CAMK4: variants seen among roughly 807,000 people sequenced by gnomAD.
CAMK4 encodes calcium/calmodulin dependent protein kinase IV.
Under a neutral mutation model 44.9 loss-of-function variants are expected in CAMK4, and 22 were observed. The ratio of observed to expected loss-of-function variants is 0.49; its 90% confidence interval spans 0.35 to 0.70. CAMK4 has a LOEUF of 0.70. CAMK4 is among the 30% of genes least tolerant of loss of function. The pLI is 0.01. For missense variants in CAMK4, 498 were observed against 586.8 expected, an observed-to-expected ratio of 0.85 and a Z score of 1.56; for synonymous variants, 218 against 215.4, an observed-to-expected ratio of 1.01 and a Z score of -0.11.
At chr5:111,308,384 A>G (rs1471899945) in intron 1 of CAMK4, among the ~76,000 whole-genome samples, 1 of 152,232 alleles carries the variant, frequency 6.6e-6, no homozygotes, top group Non-Finnish European at 1.5e-5. Flanking sequence ...AAAACATATA[A>G]AATAGGTGGT....
chr5:111,329,858 C>A (rs1580601751), intron 1 of CAMK4, among the ~76,000 whole-genome samples: 1 of 151,678 alleles, frequency 6.6e-6, no homozygotes, highest in African/African-American at 2.4e-5. Flanking sequence ...TGACAAACCA[C>A]ATCTATGAAA....
At position 111,308,257 on chromosome 5, in the gene CAMK4, A is replaced by T. The variant is rs35694373; in HGVS notation, c.162-35767A>T. ...CTAAAACTTAGAGTATAATAAAAAA[A>T]TAAAATAAAATAAATGTATCAAAAC... On this transcript the variant is annotated intron_variant, in intron 1 of 10. Transcript: ENST00000282356. 5.5e-3 allele frequency among the ~76,000 whole-genome samples: 819 copies of T among 149,118 alleles called. 5 individuals are homozygous for T. The highest frequency in any genetic ancestry group is 8.0e-3 in the Non-Finnish European group (539 of 67,266).
chr5:111,263,256 T>C (rs1750074728), intron 1 of CAMK4, among the ~76,000 whole-genome samples: 1 of 152,256 alleles, frequency 6.6e-6, no homozygotes, highest in East Asian at 1.9e-4. Flanking sequence ...GCTGGTGATC[T>C]TCAGGCAGTA....
chr5:111,380,217 C>A (rs1252933750), intron 4 of CAMK4, among the ~76,000 whole-genome samples: 1 of 152,008 alleles, frequency 6.6e-6, no homozygotes, highest in Non-Finnish European at 1.5e-5. Context: ...CTAATTAAAT[C>A]AAAAGTATTT....
At chr5:111,433,535 G>C (rs962812850) in intron 5 of CAMK4, among the ~76,000 whole-genome samples, 4 of 152,136 alleles carry the variant, frequency 2.6e-5, no homozygotes, top group African/African-American at 9.7e-5. Flanking sequence ...TATTTCCCCT[G>C]CATTCTGTTG....
At chr5:111,389,767 T>C (rs1361207038) in intron 4 of CAMK4, among the ~76,000 whole-genome samples, 3 of 152,180 alleles carry the variant, frequency 2.0e-5, no homozygotes, top group Non-Finnish European at 4.4e-5. Context: ...GCTATTCTTC[T>C]CCATCATCTT....
intron 1 of CAMK4, among the ~76,000 whole-genome samples, chr5:111,296,710 A>C (rs1276238891): frequency 6.6e-6 from 1 of 152,184 alleles, no homozygotes; most frequent in Non-Finnish European, 1.5e-5. Flanking sequence ...TTAAACAAAA[A>C]CAGAACACAA....
At chr5:111,326,190 A>G (rs553898475) in intron 1 of CAMK4, among the ~76,000 whole-genome samples, 1 of 151,936 alleles carries the variant, frequency 6.6e-6, no homozygotes, top group Non-Finnish European at 1.5e-5. Context: ...GACATGATTA[A>G]TGAAATTTAC....
At chr5:111,251,348 C>A (rs1314100177) in intron 1 of CAMK4, among the ~76,000 whole-genome samples, 1 of 152,172 alleles carries the variant, frequency 6.6e-6, no homozygotes, top group Non-Finnish European at 1.5e-5. Context: ...TGAATTCTTT[C>A]TCTGAGGATC....
At chr5:111,449,085 G>T in intron 6 of CAMK4, 44 bp from the exon 7 acceptor site, 3 of 821,240 alleles carry the variant, frequency 3.7e-6, no homozygotes, top group South Asian at 1.5e-5. Context: ...TGTCATAAAA[G>T]CTGAGAAGAC....
At chr5:111,439,430 A>C (rs898566143) in intron 5 of CAMK4, among the ~76,000 whole-genome samples, 1 of 152,188 alleles carries the variant, frequency 6.6e-6, no homozygotes, top group Non-Finnish European at 1.5e-5. Context: ...GGGAGAGCCT[A>C]CACATCAACA....
chr5:111,273,862 C>T (rs956897223), intron 1 of CAMK4, among the ~76,000 whole-genome samples: 2 of 151,002 alleles, frequency 1.3e-5, no homozygotes, highest in Admixed American at 6.6e-5. Flanking sequence ...GTGTTAACAG[C>T]TATGTATTGT....
At chr5:111,345,761 G>A (rs1749837714) in intron 2 of CAMK4, among the ~76,000 whole-genome samples, 1 of 151,986 alleles carries the variant, frequency 6.6e-6, no homozygotes, top group Non-Finnish European at 1.5e-5. Flanking sequence ...AAGGAGGTCA[G>A]TGAAGCCATT....
At chr5:111,384,533 G>C (rs1751530023) in intron 4 of CAMK4, among the ~76,000 whole-genome samples, 1 of 152,088 alleles carries the variant, frequency 6.6e-6, no homozygotes, top group Admixed American at 6.5e-5. Flanking sequence ...TTCTCACCAA[G>C]TCCCATTAGC....
chr5:111,246,809 A>G (rs1749261846), intron 1 of CAMK4, among the ~76,000 whole-genome samples: 1 of 152,224 alleles, frequency 6.6e-6, no homozygotes, highest in Non-Finnish European at 1.5e-5. Context: ...TATGTCATTC[A>G]GGGTCTACTT....
intron 1 of CAMK4, among the ~76,000 whole-genome samples, chr5:111,301,423 T>C (rs1747714693): frequency 6.6e-6 from 1 of 152,210 alleles, no homozygotes. Context: ...TGGATGGTGA[T>C]GAAACACTTA....
In CAMK4 at chr5:111,420,340, G is replaced by C. The variant is rs370903917; in HGVS notation, c.459+25558G>C. ...CTTATCAGCTTAAGGAGATTTTGGG[G>C]TGAGACAATGGGGTTTTCTAGATAT... On this transcript the variant is annotated intron_variant, in intron 5 of 10. Coordinates refer to ENST00000282356, the MANE Select transcript of CAMK4 (RefSeq NM_001744.6). Among the ~76,000 whole-genome samples, 985 of 151,492 alleles carry C rather than the reference G, an allele frequency of 6.5e-3. 10 individuals are homozygous for C. Among genetic ancestry groups the C allele is most frequent in the African/African-American group, 0.021 (865 of 41,300 alleles).
intron 5 of CAMK4, among the ~76,000 whole-genome samples, chr5:111,408,961 G>T (rs1214052695): frequency 6.6e-6 from 1 of 152,192 alleles, no homozygotes; most frequent in Non-Finnish European, 1.5e-5. Flanking sequence ...GGGAAGCTCT[G>T]CCTCTGTGGC....
At chr5:111,267,977 C>T (rs1465799551) in intron 1 of CAMK4, among the ~76,000 whole-genome samples, 2 of 152,062 alleles carry the variant, frequency 1.3e-5, no homozygotes, top group Non-Finnish European at 2.9e-5. Flanking sequence ...TCTCACTATG[C>T]CTTTCTCTAT....
Sources: gnomAD v4.1 joint callset for allele counts (sites outside exome capture counted in the v4.1 genomes callset) on GRCh38, gnomAD v4.1.1 for gene constraint, MANE v1.5 for transcripts, NCBI Gene and HGNC (gene_info 2026-07-23, HGNC 2026-07-21) for gene names.